Variants in SCML4 observed in about 807,000 individuals in gnomAD.
SCML4 encodes the protein sex comb on midleg-like protein 4.
In SCML4, 34 loss-of-function variants were observed where a neutral mutation model predicts 41.1. The observed-to-expected ratio is 0.83, with a 90% confidence interval of 0.63 to 1.10. SCML4 has a LOEUF of 1.10. SCML4 is among the 50% of genes least tolerant of loss of function. The pLI is 0.00. For missense variants in SCML4, 522 were observed against 534.1 expected, an observed-to-expected ratio of 0.98 and a Z score of 0.22; for synonymous variants, 214 against 220.9, an observed-to-expected ratio of 0.97 and a Z score of 0.28.
intron 1 of SCML4, among the ~76,000 whole-genome samples, chr6:107,815,289 G>A (rs140659520): frequency 6.6e-6 from 1 of 152,314 alleles, no homozygotes; most frequent in Non-Finnish European, 1.5e-5. Flanking sequence ...CAGAGACCAG[G>A]GATGCTGGGT....
At chr6:107,789,514 C>T (rs928003583) in intron 1 of SCML4, among the ~76,000 whole-genome samples, 17 of 152,214 alleles carry the variant, frequency 1.1e-4, no homozygotes, top group African/African-American at 4.1e-4. Context: ...TGACACACAG[C>T]TTCTCCATCG....
At chr6:107,777,841 C>G (rs1781077660) in intron 1 of SCML4, among the ~76,000 whole-genome samples, 1 of 152,166 alleles carries the variant, frequency 6.6e-6, no homozygotes, top group South Asian at 2.1e-4. Flanking sequence ...CCCAGATTCC[C>G]CCATCTCCAA....
rs545108290 is a variant in SCML4 at position 107,731,240 on chromosome 6, C to T, written c.683-10247G>A. 1.2e-4 allele frequency among the ~76,000 whole-genome samples: 18 copies of T among 152,344 alleles called. No individual in the cohort carries two copies. The East Asian group carries it at 3.1e-3, about 26-fold the overall frequency. On this transcript the variant is annotated intron_variant, in intron 5 of 7. Transcript: ENST00000369020. ...CTCCTGACCAAGTGTCAGCTCTCCT[C>T]ACTTAGGACACAAGGCTTAACTGCT...
In SCML4 at chr6:107,704,043, A is replaced by T. The variant is rs976322836; in HGVS notation, c.*1157T>A. The T allele has an allele frequency of 6.6e-6, 1 of 152,164 alleles. No individual in the cohort carries two copies. 9.4% of individuals were successfully genotyped at this position (152,164 alleles called of 1,614,324 possible). On this transcript the variant is annotated 3_prime_UTR_variant, in exon 8 of 8. Transcript: ENST00000369020. The stretch of plus-strand genomic sequence containing the variant: ...ACAGCTGCAAAGGAGCAGAAAATCA[A>T]TTTTTTCTATTACTCCACTGTGAGG...
intron 1 of SCML4, among the ~76,000 whole-genome samples, chr6:107,777,191 C>T (rs1781021997): frequency 6.6e-6 from 1 of 152,144 alleles, no homozygotes. Flanking sequence ...AATCTCGGCT[C>T]GCTGCAACCT....
At position 107,770,473 on chromosome 6, in the gene SCML4, T is replaced by C. The variant is rs370937789; in HGVS notation, c.156+1699A>G. ...AGCTTGGGAAGCTTTCTGGGAGTTG[T>C]TGGCCTAAAATAATTTCCATACATT... On this transcript the variant is annotated intron_variant, in intron 2 of 7. Coordinates refer to ENST00000369020, the MANE Select transcript of SCML4 (RefSeq NM_198081.5). Among the ~76,000 whole-genome samples, 11 of 152,314 alleles carry C rather than the reference T, an allele frequency of 7.2e-5. No homozygotes were observed. In the South Asian group the frequency reaches 1.4e-3, roughly 20 times the overall value.
At chr6:107,838,351 G>A in the SCML4 span, among the ~76,000 whole-genome samples, 1 of 152,160 alleles carries the variant, frequency 6.6e-6, no homozygotes, top group Admixed American at 6.5e-5. Context: ...TCCCCAGGCA[G>A]AAAACACCAG....
At chr6:107,735,788 G>A (rs563294403) in intron 5 of SCML4, among the ~76,000 whole-genome samples, 178 of 102,448 alleles carry the variant, frequency 1.7e-3, no homozygotes, top group African/African-American at 5.8e-3. Context: ...GATGGAGCAA[G>A]ACCTTGTCTC....
At position 107,749,748 on chromosome 6, in the gene SCML4, G is replaced by A. The variant is rs200114918; in HGVS notation, c.222C>T (p.Asp74=). Residue 74 remains aspartate, a synonymous_variant, in exon 3 of 8, where the codon GAC becomes GAT. Coordinates refer to ENST00000369020, the MANE Select transcript of SCML4 (RefSeq NM_198081.5). ...LSPPRSTPEP[D]LSSIPQDAAT... is the part of the protein sequence containing the mutation. Reference sequence around the variant, plus strand: ...CTGCGTCCTGAGGGATGGAGCTGAGGTCGGGCTCTGGGGTACTCCGCGGAG... The same window carrying A: ...CTGCGTCCTGAGGGATGGAGCTGAGATCGGGCTCTGGGGTACTCCGCGGAG... The A allele has an allele frequency of 1.7e-5, 27 of 1,614,056 alleles. No individual in the cohort carries two copies. The East Asian group carries it at 4.7e-4, about 28-fold the overall frequency.
At position 107,779,072 on chromosome 6, in the gene SCML4, C is replaced by T. The variant is rs1047786179; in HGVS notation, c.-59-6686G>A. ...GCGGGCGCCTGTAGTCCCAGCTACT[C>T]CGGAGGCTGAGGCAGGAGAATGGCG... is the stretch of plus-strand genomic sequence containing the variant. On this transcript the variant is annotated intron_variant, in intron 1 of 7. Coordinates refer to ENST00000369020, the MANE Select transcript of SCML4 (RefSeq NM_198081.5). Among the ~76,000 whole-genome samples, 30 of 151,900 alleles carry T rather than the reference C, an allele frequency of 2.0e-4. 1 individual carries two copies. The highest frequency in any genetic ancestry group is 4.4e-4 in the Non-Finnish European group (30 of 67,974).
chr6:107,766,388 G>T (rs928082969), intron 2 of SCML4, among the ~76,000 whole-genome samples: 11 of 149,890 alleles, frequency 7.3e-5, no homozygotes, highest in Non-Finnish European at 1.6e-4. Context: ...AAAAAAAAAG[G>T]GTTCAAGGCT....
chr6:107,832,578 T>G, the SCML4 span, among the ~76,000 whole-genome samples: 1 of 152,350 alleles, frequency 6.6e-6, no homozygotes, highest in East Asian at 1.9e-4. Context: ...ATATGCTGAC[T>G]GGCTTAATTT....
At chr6:107,720,551 C>T (rs1471085487) in intron 6 of SCML4, 152 bp downstream of exon 6, 1 of 1,417,192 alleles carries the variant, frequency 7.1e-7, no homozygotes, top group Admixed American at 2.6e-5. Flanking sequence ...TTTTGAGAAC[C>T]TCAAGATCCA....
chr6:107,795,526 A>G (rs1219565004), intron 1 of SCML4, among the ~76,000 whole-genome samples: 5 of 152,056 alleles, frequency 3.3e-5, no homozygotes, highest in African/African-American at 1.2e-4. Context: ...TCACCTTAGA[A>G]ATATTCTTTT....
At chr6:107,787,061 T>A (rs1781953134) in intron 1 of SCML4, among the ~76,000 whole-genome samples, 1 of 152,152 alleles carries the variant, frequency 6.6e-6, no homozygotes, top group South Asian at 2.1e-4. Context: ...TACAGCTGTC[T>A]CCCTGTGTCG....
chr6:107,724,501 A>G (rs898041005), intron 5 of SCML4, among the ~76,000 whole-genome samples: 6 of 152,260 alleles, frequency 3.9e-5, no homozygotes, highest in African/African-American at 1.4e-4. Flanking sequence ...ATTAACAATT[A>G]GAAAATAAAA....
intron 2 of SCML4, among the ~76,000 whole-genome samples, chr6:107,753,347 T>C (rs1265326162): frequency 6.6e-6 from 1 of 152,048 alleles, no homozygotes; most frequent in Non-Finnish European, 1.5e-5. Context: ...GCCCCCAAAA[T>C]TGAAAATAGA....
intron 1 of SCML4, among the ~76,000 whole-genome samples, chr6:107,817,040 C>T (rs563546807): frequency 6.6e-6 from 1 of 152,170 alleles, no homozygotes; most frequent in East Asian, 1.9e-4. Flanking sequence ...CTGGAAGTTC[C>T]GTAACCTGTG....
intron 2 of SCML4, among the ~76,000 whole-genome samples, chr6:107,756,448 T>C (rs541657406): frequency 1.3e-5 from 2 of 152,232 alleles, no homozygotes; most frequent in South Asian, 4.1e-4. Flanking sequence ...CCAGTACTCC[T>C]CAAAACTGCC....
Sources: allele counts gnomAD v4.1 joint callset (sites outside exome capture counted in the v4.1 genomes callset), GRCh38; gene constraint gnomAD v4.1.1; transcripts MANE v1.5; gene names NCBI Gene and HGNC (gene_info 2026-07-23, HGNC 2026-07-21).